SLC24A1: variants seen among roughly 807,000 people sequenced by gnomAD.
SLC24A1 encodes the protein sodium/potassium/calcium exchanger 1.
Under a neutral mutation model 88.1 loss-of-function variants are expected in SLC24A1, and 52 were observed. The ratio of observed to expected loss-of-function variants is 0.59; its 90% CI spans 0.47 to 0.74. The LOEUF (loss-of-function observed/expected upper bound fraction) is 0.74, where lower values mean the gene tolerates loss of function less well. Ranked by LOEUF, SLC24A1 falls within the 30% of genes least tolerant of loss-of-function variation. The probability of loss-of-function intolerance (pLI) is 0.00; values close to 1 mark genes in which losing one functional copy is unlikely to be tolerated. For missense variants in SLC24A1, 1,173 were observed against 1,363.3 expected, an observed-to-expected ratio of 0.86 and a Z score of 2.20; for synonymous variants, 455 against 498.0, an observed-to-expected ratio of 0.91 and a Z score of 1.15.
At position 65,654,943 on chromosome 15, in the gene SLC24A1, T is replaced by C. The variant is rs578178866; in HGVS notation, c.*864T>C. ...TAAAGGAGGACTACATTAACTCTTATTGTTGTGTTTCTGAAAAGTGAAATT... is the reference window on the plus strand; with the variant it reads ...TAAAGGAGGACTACATTAACTCTTACTGTTGTGTTTCTGAAAAGTGAAATT... On this transcript the variant is annotated 3_prime_UTR_variant, in exon 10 of 10. Transcript: ENST00000261892. The C allele has an allele frequency of 1.4e-5, 14 of 1,020,528 alleles. No homozygotes were observed. The highest frequency in any genetic ancestry group is 3.5e-5 in the South Asian group (1 of 28,764). 63.2% of individuals were successfully genotyped at this position (1,020,528 alleles called of 1,614,324 possible).
chr15:65,644,695 C>T (rs1005552212), intron 5 of SLC24A1, among the ~76,000 whole-genome samples, 182 bp downstream of exon 5: 6 of 152,224 alleles, frequency 3.9e-5, no homozygotes, highest in African/African-American at 1.4e-4. Context: ...ACTCCAGACT[C>T]TTCCTTCCCA....
intron 2 of SLC24A1, among the ~76,000 whole-genome samples, chr15:65,613,002 A>G (rs553784525): frequency 5.8e-4 from 88 of 152,330 alleles, no homozygotes; most frequent in Non-Finnish European, 6.0e-4. Flanking sequence ...GAATCCCATT[A>G]CAAATCAGAA....
At chr15:65,640,682 C>T (rs1371198843) in intron 4 of SLC24A1, among the ~76,000 whole-genome samples, 1 of 152,150 alleles carries the variant, frequency 6.6e-6, no homozygotes, top group Non-Finnish European at 1.5e-5. Context: ...CTTTCTGGCT[C>T]AAGGACAAAT....
intron 4 of SLC24A1, among the ~76,000 whole-genome samples, chr15:65,642,112 A>G (rs977956978): frequency 1.3e-5 from 2 of 152,020 alleles, no homozygotes; most frequent in African/African-American, 4.8e-5. Flanking sequence ...CTGATTCTAC[A>G]CCCTGAGATG....
rs749865049 is a variant in SLC24A1, at chr15:65,651,765, T to C, written c.2883+6T>C. ...TGGTGTGGTGGGCTCACCAGGTGAG[T>C]GAACAGCAGGAACGAAATCCTCTAC... On this transcript the variant is annotated splice_donor_region_variant and intron_variant, in intron 8 of 9. Transcript: ENST00000261892. The C allele has an allele frequency of 9.2e-6, 14 of 1,517,490 alleles. No homozygotes were observed. In the East Asian group the frequency reaches 3.2e-4, roughly 34 times the overall value. The allele number at this position is 1,517,490 out of a possible 1,614,324, so 94.0% of individuals were successfully genotyped here. A position where few individuals can be genotyped will look rare whatever the true frequency, so the allele number is the denominator to read the frequency against.
At chr15:65,622,860 G>C (rs909732948) in intron 1 of SLC24A1, among the ~76,000 whole-genome samples, 1 of 151,670 alleles carries the variant, frequency 6.6e-6, no homozygotes, top group Non-Finnish European at 1.5e-5. Flanking sequence ...TCCTGTCTCA[G>C]CCTCCTGTGT....
Position 65,656,062 on chromosome 15 carries a change from T to A in SLC24A1, c.*1983T>A. 1 of 985,018 alleles carries A rather than the reference T, an allele frequency of 1.0e-6. No homozygotes were observed. Among genetic ancestry groups the A allele is most frequent in the Non-Finnish European group, 1.2e-6 (1 of 829,836 alleles). 61.0% of individuals were successfully genotyped at this position (985,018 alleles called of 1,614,324 possible). Reference sequence around the variant, plus strand: ...GAAGGCAATGCTTGTGGGAGGGAGGTCCCAATACCAAAATTCTGGGCACTA... The same window carrying A: ...GAAGGCAATGCTTGTGGGAGGGAGGACCCAATACCAAAATTCTGGGCACTA... On this transcript the variant is annotated 3_prime_UTR_variant, in exon 10 of 10. Coordinates refer to ENST00000261892, the MANE Select transcript of SLC24A1 (RefSeq NM_004727.3).
intron 2 of SLC24A1, among the ~76,000 whole-genome samples, chr15:65,627,907 A>G (rs1400263871): frequency 6.6e-6 from 1 of 152,248 alleles, no homozygotes; most frequent in Non-Finnish European, 1.5e-5. Flanking sequence ...CTCCTTGCCA[A>G]CTAGTAAGCA....
At chr15:65,653,598 G>C (rs1362437013) in intron 9 of SLC24A1, among the ~76,000 whole-genome samples, 1 of 151,812 alleles carries the variant, frequency 6.6e-6, no homozygotes, top group East Asian at 1.9e-4. Flanking sequence ...CTCAGACTCA[G>C]AATACTTCAG....
intron 9 of SLC24A1, 111 bp from the exon 10 acceptor site, chr15:65,653,719 C>A: frequency 9.1e-7 from 1 of 1,098,952 alleles, no homozygotes; most frequent in Non-Finnish European, 1.3e-6. Context: ...CTGTTCACTT[C>A]ATAGATATTT....
intron 6 of SLC24A1, among the ~76,000 whole-genome samples, chr15:65,648,252 T>C (rs2075374402): frequency 6.6e-6 from 1 of 151,378 alleles, no homozygotes; most frequent in East Asian, 2.0e-4. Context: ...AGAGCAAGAC[T>C]CCGCCTCAAA....
chr15:65,618,339 A>T (rs1169889459), upstream of SLC24A1, among the ~76,000 whole-genome samples: 1 of 152,120 alleles, frequency 6.6e-6, no homozygotes, highest in South Asian at 2.1e-4. Context: ...TTTTATTGTT[A>T]TTGATTTATT....
At chr15:65,614,543 G>T (rs1762508257) in intron 2 of SLC24A1, among the ~76,000 whole-genome samples, 1 of 152,098 alleles carries the variant, frequency 6.6e-6, no homozygotes. Flanking sequence ...CTTTTCCTTC[G>T]AAATGTATTT....
Position 65,613,480 on chromosome 15 carries a change from T to TTGTGTGTGTGTGTGTGTGTGTG in SLC24A1, c.-228+870_-228+891dup, listed in dbSNP as rs35141100. Among the ~76,000 whole-genome samples the TTGTGTGTGTGTGTGTGTGTGTG allele has an allele frequency of 1.3e-3, 188 of 149,116 alleles. 1 individual carries two copies. The highest frequency in any genetic ancestry group is 4.3e-3 in the African/African-American group (176 of 40,528). On this transcript the variant is annotated intron_variant, in intron 2 of 11. Transcript: ENST00000537259. ...TTGCTGTTAAGTTCCCAGGGTGATT[T>TTGTGTGTGTGTGTGTGTGTGTG]TGTGTGTGTGTGTGTGTGTGTGTGG...
chr15:65,618,025 T>C (rs1239758533), upstream of SLC24A1, among the ~76,000 whole-genome samples: 3 of 152,192 alleles, frequency 2.0e-5, no homozygotes, highest in Non-Finnish European at 2.9e-5. Flanking sequence ...AGTTTCAAAA[T>C]AGATGAAGTG....
At chr15:65,612,246 G>A (rs1467693043) in intron 1 of SLC24A1, 1 of 152,292 alleles carries the variant, frequency 6.6e-6, no homozygotes, top group Non-Finnish European at 1.5e-5. Context: ...AGGCCCCTGG[G>A]TAGTTACGGT....
chr15:65,645,808 A>G (rs2075283943), intron 6 of SLC24A1, 105 bp downstream of exon 6: 12 of 730,704 alleles, frequency 1.6e-5, no homozygotes, highest in Non-Finnish European at 2.8e-5. Context: ...TTTGAGGTTC[A>G]TTCCTCTGGG....
At chr15:65,618,840 C>G (rs2074230453), upstream of SLC24A1, 3 of 152,288 alleles carry the variant, frequency 2.0e-5, no homozygotes, top group Admixed American at 6.5e-5. Flanking sequence ...CTTGGCCACA[C>G]TGAAGTCCTC....
Position 65,650,751 on chromosome 15 carries a change from G to A in SLC24A1, c.2602G>A (p.Glu868Lys), listed in dbSNP as rs2075470150. ...CGAAGAGGAGGAAGAGGAGGAGGAA[G>A]AGCAGGAGGAAGAGGAGGAGGAGGA... is the stretch of plus-strand genomic sequence containing the variant. ...DSEEEEEEEE[E>K]QEEEEEEEEQ... Residue 868 changes from glutamate to lysine, a missense_variant, in exon 7 of 10, where the codon GAG becomes AAG. Glu to Lys is a moderately conservative substitution (Grantham distance 56). Coordinates refer to ENST00000261892, the MANE Select transcript of SLC24A1 (RefSeq NM_004727.3). The surrounding 1 kb of genome is among the most constrained non-coding windows in gnomAD (Gnocchi z 4.1). The A allele has an allele frequency of 6.2e-7, 1 of 1,602,380 alleles. No homozygotes were observed.
Sources: allele counts gnomAD v4.1 joint callset (sites outside exome capture counted in the v4.1 genomes callset), GRCh38; gene constraint gnomAD v4.1.1; non-coding constraint Gnocchi (gnomAD v3.1); transcripts MANE v1.5; gene names NCBI Gene and HGNC (gene_info 2026-07-23, HGNC 2026-07-21).